Variants in CRTC3 observed in about 807,000 individuals in gnomAD.
CRTC3 encodes the protein CREB regulated transcription coactivator 3.
CRTC3 carries 26 observed loss-of-function variants against 74.5 expected under a neutral mutation model. That is an observed-to-expected ratio of 0.35 (90% confidence interval 0.26 to 0.48). The LOEUF (loss-of-function observed/expected upper bound fraction) is 0.48, where lower values mean the gene tolerates loss of function less well. CRTC3 is among the 20% of genes least tolerant of loss of function. The pLI is 0.99. For synonymous variants in CRTC3, 377 were observed against 325.8 expected (o/e 1.16, Z -1.69); for missense variants, 760 against 787.3 (o/e 0.97, Z 0.41).
intron 7 of CRTC3, among the ~76,000 whole-genome samples, chr15:90,614,723 C>T (rs140569495): frequency 2.0e-5 from 3 of 152,258 alleles, no homozygotes; most frequent in Non-Finnish European, 4.4e-5. Flanking sequence ...TAGGTCCCCA[C>T]AGTCACAAGG....
intron 6 of CRTC3, among the ~76,000 whole-genome samples, chr15:90,607,688 C>G (rs1968261282): frequency 6.6e-6 from 1 of 152,212 alleles, no homozygotes; most frequent in South Asian, 2.1e-4. Context: ...TCCTCCACAG[C>G]ACGCTCTCCC....
At chr15:90,641,891 C>T in intron 14 of CRTC3, 41 bp from the exon 15 acceptor site, 2 of 1,590,670 alleles carry the variant, frequency 1.3e-6, no homozygotes, top group Non-Finnish European at 1.7e-6. Context: ...GCCTTCGCGC[C>T]TCCTAACCGC....
chr15:90,551,210 C>T (rs571528337), intron 2 of CRTC3, among the ~76,000 whole-genome samples: 7 of 151,994 alleles, frequency 4.6e-5, no homozygotes, highest in East Asian at 1.9e-4. Flanking sequence ...CTAATGAATG[C>T]GGAATAAATG....
intron 2 of CRTC3, among the ~76,000 whole-genome samples, chr15:90,579,625 C>T (rs1048909290): frequency 4.9e-5 from 7 of 141,884 alleles, no homozygotes; most frequent in African/African-American, 8.1e-5. Context: ...ATGGAGTAAA[C>T]GTATTTCACT....
At position 90,607,427 on chromosome 15, in the gene CRTC3, C is replaced by G; in HGVS notation, c.526C>G (p.Gln176Glu). ...LHTSALSTKPQDPYGGGGQSA... is the reference protein window; with the variant it reads ...LHTSALSTKPEDPYGGGGQSA... ...CACGAGTGCTCTGAGTACCAAGCCC[C>G]AGGACCCCTATGGAGGAGGGGGCCA... Residue 176 changes from glutamine to glutamate, a missense_variant, in exon 6 of 15, where the codon CAG becomes GAG. Around this residue, in one of 2 missense-constraint regions of CRTC3, gnomAD observed 652 missense variants for 635.2 expected, o/e 1.03. Transcript: ENST00000268184. The G allele has an allele frequency of 6.2e-7, 1 of 1,613,524 alleles. No homozygotes were observed. The highest frequency in any genetic ancestry group is 8.5e-7 in the Non-Finnish European group (1 of 1,179,692).
rs745482137 is a variant in CRTC3, at chr15:90,607,432, C to A, written c.531C>A (p.Asp177Glu). The change falls in exon 6 of 15, where the codon GAC (aspartate) becomes GAA (glutamate). Residue 177 changes from aspartate (D) to glutamate (E), a missense_variant. Transcript: ENST00000268184. ...GTGCTCTGAGTACCAAGCCCCAGGA[C>A]CCCTATGGAGGAGGGGGCCAGTCGG... ...HTSALSTKPQ[D>E]PYGGGGQSAW... The A allele has an allele frequency of 1.2e-6, 2 of 1,613,300 alleles. No individual in the cohort carries two copies. Among genetic ancestry groups the A allele is most frequent in the African/African-American group, 2.7e-5 (2 of 74,920 alleles).
At chr15:90,550,567 T>G (rs1966853504) in intron 2 of CRTC3, among the ~76,000 whole-genome samples, 1 of 152,028 alleles carries the variant, frequency 6.6e-6, no homozygotes, top group South Asian at 2.1e-4. Flanking sequence ...TGAAGTATAT[T>G]TGCTGTTGCT....
intron 7 of CRTC3, among the ~76,000 whole-genome samples, chr15:90,617,260 G>A (rs1310797215): frequency 2.0e-5 from 3 of 152,002 alleles, no homozygotes; most frequent in Non-Finnish European, 2.9e-5. Context: ...GGCTCTCTCG[G>A]GCTTCCACTC....
chr15:90,615,215 A>G (rs899755170), intron 7 of CRTC3, among the ~76,000 whole-genome samples: 1 of 152,242 alleles, frequency 6.6e-6, no homozygotes, highest in Non-Finnish European at 1.5e-5. Context: ...CAAACCTTAC[A>G]TAAGATACTG....
At chr15:90,549,704 CTTTT>C (rs11322295) in intron 2 of CRTC3, among the ~76,000 whole-genome samples, 11 of 110,042 alleles carry the variant, frequency 1.0e-4, no homozygotes, top group Admixed American at 3.6e-4. Context: ...TATTCTTTTT[CTTTT>C]TTTTTTTTTT....
At chr15:90,578,452 G>A (rs969392218) in intron 2 of CRTC3, among the ~76,000 whole-genome samples, 4 of 152,022 alleles carry the variant, frequency 2.6e-5, no homozygotes, top group Non-Finnish European at 5.9e-5. Context: ...TACTCGGGAG[G>A]CTGAGACAGG....
intron 2 of CRTC3, among the ~76,000 whole-genome samples, chr15:90,556,174 A>G (rs1313826825): frequency 1.3e-5 from 2 of 152,100 alleles, no homozygotes; most frequent in African/African-American, 4.8e-5. Flanking sequence ...ATATTTCATC[A>G]TATATGACTT....
chr15:90,535,161 C>CA lies in CRTC3; in HGVS notation c.133-4859dup, dbSNP rs34328900. On this transcript the variant is annotated intron_variant, in intron 1 of 14. Transcript: ENST00000268184. ...GGGCAACAAGAGCGAAACTCCGTCT[C>CA]AAAAAAAAAAAAAAAAAAAGAAAGT... Among the ~76,000 whole-genome samples, 1,026 of 128,338 alleles carry CA rather than the reference C, an allele frequency of 8.0e-3. 9 individuals are homozygous for CA. The highest frequency in any genetic ancestry group is 0.012 in the Non-Finnish European group (734 of 61,630). 84.2% of individuals were successfully genotyped at this position (128,338 alleles called of 152,430 possible). A position where few individuals can be genotyped will look rare whatever the true frequency, so the allele number is the denominator to read the frequency against.
At chr15:90,569,097 G>A (rs909715638) in intron 2 of CRTC3, among the ~76,000 whole-genome samples, 2 of 151,390 alleles carry the variant, frequency 1.3e-5, no homozygotes, top group Non-Finnish European at 2.9e-5. Context: ...GGCTCAAGCA[G>A]TCTTCCCATT....
chr15:90,616,524 T>TG (rs1170591157), intron 7 of CRTC3, among the ~76,000 whole-genome samples: 1 of 152,188 alleles, frequency 6.6e-6, no homozygotes, highest in African/African-American at 2.4e-5. Flanking sequence ...CCATCTTGTG[T>TG]GGGGCTAAGA....
chr15:90,570,325 G>A (rs1233613998), intron 2 of CRTC3, among the ~76,000 whole-genome samples: 1 of 152,186 alleles, frequency 6.6e-6, no homozygotes, highest in Non-Finnish European at 1.5e-5. Context: ...AATGAGGGAT[G>A]AGGCAGGGCT....
intron 2 of CRTC3, among the ~76,000 whole-genome samples, chr15:90,568,716 A>T (rs1967183118): frequency 1.3e-5 from 2 of 152,156 alleles, no homozygotes; most frequent in Admixed American, 1.3e-4. Context: ...ATCTTTTGTG[A>T]AAGGAAGTTG....
chr15:90,548,544 C>T (rs1048251809), intron 2 of CRTC3, among the ~76,000 whole-genome samples: 2 of 152,088 alleles, frequency 1.3e-5, no homozygotes, highest in African/African-American at 2.4e-5. Context: ...TTTTCCTTTA[C>T]TGCATTTCCT....
intron 2 of CRTC3, among the ~76,000 whole-genome samples, chr15:90,580,781 A>G (rs1894799093): frequency 6.6e-6 from 1 of 152,076 alleles, no homozygotes; most frequent in Non-Finnish European, 1.5e-5. Flanking sequence ...CTCAGTCTCC[A>G]AACAAGCGCC....
Sources: gnomAD v4.1 joint callset for allele counts (sites outside exome capture counted in the v4.1 genomes callset) on GRCh38, gnomAD v4.1.1 for gene constraint, gnomAD v4.1.1 regional missense constraint, MANE v1.5 for transcripts, NCBI Gene and HGNC (gene_info 2026-07-23, HGNC 2026-07-21) for gene names.